CHRM3: variants seen among roughly 807,000 people sequenced by gnomAD.
CHRM3 encodes the protein muscarinic acetylcholine receptor M3.
In CHRM3, 11 loss-of-function variants were observed where a neutral mutation model predicts 41.8. That is an observed-to-expected ratio of 0.26 (90% CI 0.17 to 0.44). The LOEUF is 0.44. Ranked by LOEUF, CHRM3 falls within the 20% of genes least tolerant of loss-of-function variation. The pLI is 1.00. For synonymous variants in CHRM3, 297 were observed against 301.4 expected (o/e 0.99, Z 0.15); for missense variants, 571 against 745.4 (o/e 0.77, Z 2.72).
chr1:239,542,656 T>G (rs1448498896), intron 2 of CHRM3, among the ~76,000 whole-genome samples: 1 of 152,280 alleles, frequency 6.6e-6, no homozygotes, highest in East Asian at 1.9e-4. Context: ...CAAGAATATA[T>G]CAGAGTTGGT....
At chr1:239,890,333 G>A (rs539701080) in intron 6 of CHRM3, among the ~76,000 whole-genome samples, 235 of 142,076 alleles carry the variant, frequency 1.7e-3, no homozygotes, top group Non-Finnish European at 2.3e-3. Flanking sequence ...GGCAACAAGA[G>A]TGAGACTCTA....
Position 239,499,421 on chromosome 1 carries a change from G to A in CHRM3, c.-422+6614G>A, listed in dbSNP as rs1668083758. Among the ~76,000 whole-genome samples the A allele has an allele frequency of 1.3e-5, 2 of 152,188 alleles. 1 individual carries two copies. Among genetic ancestry groups the A allele is most frequent in the South Asian group, 4.1e-4 (2 of 4,836 alleles). The stretch of plus-strand genomic sequence containing the variant: ...AGCACATATTGAACACTTACTGTAT[G>A]TTAGGCAAAGAAAAGACTGTTGAGA... On this transcript the variant is annotated intron_variant, in intron 2 of 6. Coordinates refer to ENST00000676153, the MANE Select transcript of CHRM3 (RefSeq NM_001375978.1).
At chr1:239,459,557 AATGCTATACATCTTCAATTAAGAT>A (rs1490928739) in intron 1 of CHRM3, among the ~76,000 whole-genome samples, 1 of 152,214 alleles carries the variant, frequency 6.6e-6, no homozygotes, top group African/African-American at 2.4e-5. Context: ...AGTTCCACTG[AATGCTATACATCTTCAATTAAGAT>A]TGATAATTAT....
intron 5 of CHRM3, among the ~76,000 whole-genome samples, chr1:239,824,197 T>C (rs571461548): frequency 6.6e-6 from 1 of 152,284 alleles, no homozygotes; most frequent in Admixed American, 6.5e-5. Flanking sequence ...ATATCTTGAA[T>C]GTAGCATAGA....
chr1:239,575,629 C>A lies in CHRM3; in HGVS notation c.-313+29880C>A, dbSNP rs187287299. ...TATGCAGTATTTGAGCCAGAGTAGACCTTGAAGGGCCCAGGAAGGTGTCCA... is the reference window on the plus strand; with the variant it reads ...TATGCAGTATTTGAGCCAGAGTAGAACTTGAAGGGCCCAGGAAGGTGTCCA... On this transcript the variant is annotated intron_variant, in intron 3 of 6. Coordinates refer to ENST00000676153, the MANE Select transcript of CHRM3 (RefSeq NM_001375978.1). 4.6e-5 allele frequency among the ~76,000 whole-genome samples: 7 copies of A among 151,986 alleles called. No individual in the cohort carries two copies. In the East Asian group the frequency reaches 1.4e-3, roughly 30 times the overall value.
chr1:239,667,510 T>A (rs1188982070), intron 4 of CHRM3, among the ~76,000 whole-genome samples: 1 of 152,144 alleles, frequency 6.6e-6, no homozygotes, highest in Non-Finnish European at 1.5e-5. Flanking sequence ...CTCAACACTC[T>A]CAGCTGTGGA....
At chr1:239,745,042 A>G (rs1399033673) in intron 5 of CHRM3, among the ~76,000 whole-genome samples, 1 of 152,106 alleles carries the variant, frequency 6.6e-6, no homozygotes, top group African/African-American at 2.4e-5. Context: ...ATTTCAGGAC[A>G]TGACATGGAG....
intron 3 of CHRM3, among the ~76,000 whole-genome samples, chr1:239,597,809 AT>A (rs1309882717): frequency 4.4e-5 from 6 of 136,070 alleles, no homozygotes; most frequent in African/African-American, 1.6e-4. Context: ...TGTTGATGGG[AT>A]TTTTTTACTG....
intron 5 of CHRM3, among the ~76,000 whole-genome samples, chr1:239,822,354 A>C (rs559324062): frequency 6.6e-6 from 1 of 152,340 alleles, no homozygotes; most frequent in East Asian, 1.9e-4. Context: ...ATGGAGAAAT[A>C]ACTTAAAGAT....
At chr1:239,408,939 G>A (rs1363669192) in intron 1 of CHRM3, among the ~76,000 whole-genome samples, 1 of 152,034 alleles carries the variant, frequency 6.6e-6, no homozygotes, top group East Asian at 1.9e-4. Context: ...TGCTCTTGAT[G>A]TGCCACAAGA....
chr1:239,554,543 A>C (rs1660168143), intron 3 of CHRM3, among the ~76,000 whole-genome samples: 1 of 151,986 alleles, frequency 6.6e-6, no homozygotes, highest in South Asian at 2.1e-4. Context: ...AAAAGTAATA[A>C]ATTTATTTTA....
chr1:239,544,679 A>G (rs1354106370), intron 2 of CHRM3, among the ~76,000 whole-genome samples: 1 of 152,202 alleles, frequency 6.6e-6, no homozygotes, highest in Non-Finnish European at 1.5e-5. Flanking sequence ...CTCATCACGT[A>G]TTTGTATGTG....
rs35094370 is a variant in CHRM3 at position 239,672,599 on chromosome 1, T to TACACACACAC, written c.-249-5565_-249-5556dup. Among the ~76,000 whole-genome samples the TACACACACAC allele has an allele frequency of 2.9e-3, 430 of 145,938 alleles. 3 individuals are homozygous for TACACACACAC. The highest frequency in any genetic ancestry group is 0.01 in the African/African-American group (407 of 39,540). ...TTAAACCATGTCTCTTTCTTCCCAC[T>TACACACACAC]ACACACACACACACACACACACACA... is the stretch of plus-strand genomic sequence containing the variant. On this transcript the variant is annotated intron_variant, in intron 4 of 6. Transcript: ENST00000676153.
At chr1:239,895,371 C>A (rs987466916) in intron 6 of CHRM3, among the ~76,000 whole-genome samples, 1 of 152,214 alleles carries the variant, frequency 6.6e-6, no homozygotes, top group Non-Finnish European at 1.5e-5. Context: ...CTCTGCTCTC[C>A]ATCCTTCCAA....
At chr1:239,428,122 A>T (rs962894309) in intron 1 of CHRM3, among the ~76,000 whole-genome samples, 15 of 152,160 alleles carry the variant, frequency 9.9e-5, no homozygotes, top group African/African-American at 3.6e-4. Flanking sequence ...TTCTACAAGC[A>T]CGTGCTCGAA....
chr1:239,436,615 T>C (rs1663291782), intron 1 of CHRM3, among the ~76,000 whole-genome samples: 1 of 152,008 alleles, frequency 6.6e-6, no homozygotes, highest in African/African-American at 2.4e-5. Context: ...CTTATTTTGA[T>C]TGAAAGAGGA....
chr1:239,797,120 T>C (rs1669841119), intron 5 of CHRM3, among the ~76,000 whole-genome samples: 1 of 152,210 alleles, frequency 6.6e-6, no homozygotes, highest in Non-Finnish European at 1.5e-5. Flanking sequence ...AAATACCGCA[T>C]GTTCTCACTT....
intron 2 of CHRM3, among the ~76,000 whole-genome samples, chr1:239,514,182 A>T (rs1298041888): frequency 3.9e-5 from 6 of 152,112 alleles, no homozygotes; most frequent in African/African-American, 1.4e-4. Context: ...TCTTGCTGGG[A>T]TTCTGATTGG....
At position 239,908,012 on chromosome 1, in the gene CHRM3, G is replaced by T; in HGVS notation, c.561G>T (p.Val187=). ...RAKRTTKRAG[V]MIGLAWVISF... is the part of the protein sequence containing the mutation. ...AACGAACAACAAAGAGAGCCGGTGT[G>T]ATGATCGGTCTGGCTTGGGTCATCT... Residue 187 remains valine, a synonymous_variant, in exon 7 of 7, where the codon GTG becomes GTT. Coordinates refer to ENST00000676153, the MANE Select transcript of CHRM3 (RefSeq NM_001375978.1). The surrounding 1 kb of genome is among the most constrained non-coding windows in gnomAD (Gnocchi z 7.2). 6.2e-7 allele frequency: 1 copy of T among 1,614,172 alleles called. No individual in the cohort carries two copies.
Sources: gnomAD v4.1 joint callset for allele counts (sites outside exome capture counted in the v4.1 genomes callset) on GRCh38, gnomAD v4.1.1 for gene constraint, Gnocchi (gnomAD v3.1) non-coding constraint, MANE v1.5 for transcripts, NCBI Gene and HGNC (gene_info 2026-07-23, HGNC 2026-07-21) for gene names.